The following SERPINB6 variants were observed in gnomAD, a reference collection of about 807,000 sequenced individuals.
SERPINB6 encodes the protein serpin family B member 6.
Under a neutral mutation model 26.1 loss-of-function variants are expected in SERPINB6, and 16 were observed. The ratio of observed to expected loss-of-function variants is 0.61; its 90% CI spans 0.42 to 0.93. SERPINB6 has a LOEUF of 0.93. Among genes scored for constraint, SERPINB6 ranks in the 40% least tolerant of loss-of-function variants. The probability of loss-of-function intolerance (pLI) is 0.00; values close to 1 mark genes in which losing one functional copy is unlikely to be tolerated. For synonymous variants in SERPINB6, 174 were observed against 176.6 expected (o/e 0.99, Z 0.11); for missense variants, 420 against 478.0 (o/e 0.88, Z 1.13).
chr6:2,951,407 A>AT (rs1769794149), intron 5 of SERPINB6, among the ~76,000 whole-genome samples: 4 of 151,748 alleles, frequency 2.6e-5, no homozygotes, highest in Non-Finnish European at 4.4e-5. Flanking sequence ...AAAAATAAAA[A>AT]AAAAAAATAA....
Position 2,967,380 on chromosome 6 carries a change from C to T in SERPINB6, c.-11+4153G>A, listed in dbSNP as rs1226971933. 4.7e-6 allele frequency: 1 copy of T among 213,430 alleles called. No individual in the cohort carries two copies. Among genetic ancestry groups the T allele is most frequent in the African/African-American group, 2.4e-5 (1 of 42,490 alleles). The allele number at this position is 213,430 out of a possible 1,614,324, so 13.2% of individuals were successfully genotyped here. Reference sequence around the variant, plus strand: ...GGCAATACCATTCTGGACATAGGAACAGGCAAAGATTTCATGACAAAGATG... The same window carrying T: ...GGCAATACCATTCTGGACATAGGAATAGGCAAAGATTTCATGACAAAGATG... On this transcript the variant is annotated intron_variant, in intron 1 of 6. Coordinates refer to ENST00000380539, the MANE Select transcript of SERPINB6 (RefSeq NM_004568.6). This position sits in a 1 kb window ranked among gnomAD's most constrained non-coding sequence, Gnocchi z 4.3.
In SERPINB6 at chr6:2,951,128, G is replaced by A. The variant is rs527278303; in HGVS notation, c.573+1916C>T. 3.3e-5 allele frequency among the ~76,000 whole-genome samples: 5 copies of A among 152,362 alleles called. No individual in the cohort carries two copies. The East Asian group carries it at 7.7e-4, about 24-fold the overall frequency. On this transcript the variant is annotated intron_variant, in intron 5 of 6. Coordinates refer to ENST00000380539, the MANE Select transcript of SERPINB6 (RefSeq NM_004568.6). Reference sequence around the variant, plus strand: ...GGGCCAGGCGTGGTGGCTCACGCCTGTAATCCCAGCACTGTGGGAGGCCCG... The same window carrying A: ...GGGCCAGGCGTGGTGGCTCACGCCTATAATCCCAGCACTGTGGGAGGCCCG...
intron 1 of SERPINB6, among the ~76,000 whole-genome samples, chr6:2,965,648 G>T (rs1043688771): frequency 2.0e-5 from 3 of 152,002 alleles, no homozygotes; most frequent in African/African-American, 7.2e-5. Flanking sequence ...ACAGTACAAT[G>T]ATTACAAAAC....
chr6:2,950,155 A>G (rs1032597378), intron 5 of SERPINB6, among the ~76,000 whole-genome samples: 1 of 152,122 alleles, frequency 6.6e-6, no homozygotes, highest in African/African-American at 2.4e-5. Context: ...CCCCCAAGAA[A>G]ACATAAGCTT....
chr6:2,948,428 G>A lies in SERPINB6; in HGVS notation c.1001C>T (p.Thr334Ile), dbSNP rs752001917. 7.4e-6 allele frequency: 12 copies of A among 1,614,106 alleles called. No homozygotes were observed. Among genetic ancestry groups the A allele is most frequent in the Non-Finnish European group, 1.0e-5 (12 of 1,179,988 alleles). Reference protein sequence around the residue: ...NEEGTEAAAATAAIMMMRCAR... With the variant: ...NEEGTEAAAAIAAIMMMRCAR... ...ACACCGCATCATCATGATGGCAGCT[G>A]TGGCGGCTGCAGCCTCCGTGCCTTC... is the stretch of plus-strand genomic sequence containing the variant. Residue 334 changes from threonine to isoleucine, a missense_variant, in exon 7 of 7, where the codon ACA becomes ATA. Thr to Ile is a moderately conservative substitution (Grantham distance 89). Transcript: ENST00000380539. The surrounding 1 kb of genome is among the most constrained non-coding windows in gnomAD (Gnocchi z 5.0).
intron 5 of SERPINB6, among the ~76,000 whole-genome samples, chr6:2,949,718 C>A (rs1205355385): frequency 2.0e-5 from 3 of 152,204 alleles, no homozygotes; most frequent in Admixed American, 6.5e-5. Context: ...CCAGAGGGGC[C>A]CGGTAGAACC....
chr6:2,968,397 C>A, intron 1 of SERPINB6: 12 of 715,488 alleles, frequency 1.7e-5, no homozygotes, highest in Non-Finnish European at 2.1e-5. Flanking sequence ...CAACAACCTG[C>A]GACATGAGTT....
rs1770363171 is a variant in SERPINB6 at position 2,955,536 on chromosome 6, A to C, written c.300T>G (p.Cys100Trp). The change falls in exon 3 of 7, where the codon TGT becomes TGG. Residue 100 changes from cysteine (C) to tryptophan (W), a missense_variant. Physicochemically the swap from Cys to Trp is radical, Grantham distance 215. Transcript: ENST00000380539. The stretch of plus-strand genomic sequence containing the variant: ...AAGTATGACTTACTGAGAGGAAATC[A>C]CAAGACTTTTCCCCAAAGAGCCTGT... ...MANRLFGEKS[C>W]DFLSSFRDSC... 1.2e-6 allele frequency: 2 copies of C among 1,614,230 alleles called. No individual in the cohort carries two copies. The highest frequency in any genetic ancestry group is 4.5e-5 in the East Asian group (2 of 44,882).
intron 2 of SERPINB6, among the ~76,000 whole-genome samples, chr6:2,958,511 C>A (rs1413570790): frequency 6.6e-6 from 1 of 152,146 alleles, no homozygotes; most frequent in Non-Finnish European, 1.5e-5. Flanking sequence ...CTCTCAGAAC[C>A]CAGCCGCCAG....
intron 1 of SERPINB6, chr6:2,966,488 TC>T: frequency 6.0e-6 from 5 of 837,632 alleles, no homozygotes; most frequent in Non-Finnish European, 7.2e-6. Context: ...TGAGCGAACA[TC>T]ACCGCCTGAG....
chr6:2,948,956 A>G lies in SERPINB6; in HGVS notation c.687T>C (p.Asn229=). ...LVLPYVGKEL[N]MIIMLPDETT... ...TCTCGTCCGGAAGCATGATGATCAT[A>G]TTCAGTTCCTTGCCAACATATGGAA... The change falls in exon 6 of 7, where the codon AAT becomes AAC. Residue 229 remains asparagine (N), a synonymous_variant. Transcript: ENST00000380539. The surrounding 1 kb of genome is among the most constrained non-coding windows in gnomAD (Gnocchi z 5.0). 1.9e-6 allele frequency: 3 copies of G among 1,614,254 alleles called. No individual in the cohort carries two copies. Among genetic ancestry groups the G allele is most frequent in the Non-Finnish European group, 2.5e-6 (3 of 1,180,040 alleles).
chr6:2,959,055 A>G lies in SERPINB6; in HGVS notation c.165+113T>C, dbSNP rs1232982323. ...GCCCTTCCCTGTAAACTCGCCACCCACACCCTGCAATACTGCACAGTCATC... is the reference window on the plus strand; with the variant it reads ...GCCCTTCCCTGTAAACTCGCCACCCGCACCCTGCAATACTGCACAGTCATC... On this transcript the variant is annotated intron_variant, in intron 2 of 6. Coordinates refer to ENST00000380539, the MANE Select transcript of SERPINB6 (RefSeq NM_004568.6). 6.4e-6 allele frequency: 9 copies of G among 1,413,236 alleles called. No individual in the cohort carries two copies. The African/African-American group carries it at 1.3e-4, about 20-fold the overall frequency. 87.5% of individuals were successfully genotyped at this position (1,413,236 alleles called of 1,614,324 possible).
chr6:2,948,368 G>C lies in SERPINB6; in HGVS notation c.1061C>G (p.Pro354Arg), dbSNP rs1769344161. 2 of 1,614,136 alleles carry C rather than the reference G, an allele frequency of 1.2e-6. No homozygotes were observed. Among genetic ancestry groups the C allele is most frequent in the Non-Finnish European group, 1.7e-6 (2 of 1,180,026 alleles). Residue 354 changes from proline to arginine, a missense_variant, in exon 7 of 7, where the codon CCC becomes CGC. Pro to Arg is a moderately radical substitution (Grantham distance 103). Transcript: ENST00000380539. This position sits in a 1 kb window ranked among gnomAD's most constrained non-coding sequence, Gnocchi z 5.0. ...GCTGTGCTGGATGAAGAAAAGGAAG[G>C]GGTGGTCGGCGCAGAAGCGGGGGAC... is the stretch of plus-strand genomic sequence containing the variant. ...RFVPRFCADH[P>R]FLFFIQHSKT...
At chr6:2,961,095 C>T (rs1771057290) in intron 1 of SERPINB6, 1 of 152,220 alleles carries the variant, frequency 6.6e-6, no homozygotes, top group Non-Finnish European at 1.5e-5. Context: ...AACCTCAGAA[C>T]TCTGAGAAAA....
intron 2 of SERPINB6, among the ~76,000 whole-genome samples, chr6:2,958,479 G>A (rs1029889919): frequency 6.6e-6 from 1 of 152,188 alleles, no homozygotes; most frequent in Non-Finnish European, 1.5e-5. Flanking sequence ...CTTGTTTCAA[G>A]CCTGTCTTCT....
At chr6:2,952,783 A>G (rs1263711896) in intron 5 of SERPINB6, among the ~76,000 whole-genome samples, 2 of 152,256 alleles carry the variant, frequency 1.3e-5, no homozygotes, top group Admixed American at 1.3e-4. Context: ...AGAGAAAAGG[A>G]GGAAATGTCC....
At chr6:2,951,412 A>AT (rs1769798302) in intron 5 of SERPINB6, among the ~76,000 whole-genome samples, 2 of 151,768 alleles carry the variant, frequency 1.3e-5, no homozygotes, top group East Asian at 1.9e-4. Context: ...TAAAAAAAAA[A>AT]AATAAGCATG....
intron 1 of SERPINB6, among the ~76,000 whole-genome samples, chr6:2,962,869 C>T (rs966687867): frequency 6.6e-6 from 1 of 152,212 alleles, no homozygotes; most frequent in East Asian, 1.9e-4. Flanking sequence ...GTAAGAATTA[C>T]CTACTTCAGC....
chr6:2,962,351 G>T (rs548066295), intron 1 of SERPINB6, among the ~76,000 whole-genome samples: 109 of 152,282 alleles, frequency 7.2e-4, no homozygotes, highest in African/African-American at 2.4e-3. Flanking sequence ...CTGTGTCAGG[G>T]GATTTAATCT....
Sources: gnomAD v4.1 joint callset for allele counts (sites outside exome capture counted in the v4.1 genomes callset) on GRCh38, gnomAD v4.1.1 for gene constraint, Gnocchi (gnomAD v3.1) non-coding constraint, MANE v1.5 for transcripts, NCBI Gene and HGNC (gene_info 2026-07-23, HGNC 2026-07-21) for gene names.